Variants in GAB2 observed in about 807,000 individuals in gnomAD.
GAB2 encodes GRB2-associated-binding protein 2.
In GAB2, 26 loss-of-function variants were observed where a neutral mutation model predicts 65.5. That is an observed-to-expected ratio of 0.40 (90% CI 0.29 to 0.55). The LOEUF is 0.55. Among genes scored for constraint, GAB2 ranks in the 20% least tolerant of loss-of-function variants. The pLI, the probability that GAB2 is intolerant of heterozygous loss-of-function variation, is 0.53. For synonymous variants in GAB2, 321 were observed against 329.6 expected (o/e 0.97, Z 0.28); for missense variants, 884 against 875.8 (o/e 1.01, Z -0.12).
At chr11:78,353,547 C>T (rs757087364) in intron 1 of GAB2, among the ~76,000 whole-genome samples, 3 of 152,118 alleles carry the variant, frequency 2.0e-5, no homozygotes, top group Non-Finnish European at 2.9e-5. Flanking sequence ...TGCTTTGAGC[C>T]CAGCATTATT....
chr11:78,395,162 A>T (rs533569540), intron 1 of GAB2, among the ~76,000 whole-genome samples: 4 of 152,240 alleles, frequency 2.6e-5, no homozygotes, highest in African/African-American at 9.6e-5. Context: ...GGAGTAAAAA[A>T]AATCAACCAG....
chr11:78,244,346 C>T (rs371650297), intron 3 of GAB2, among the ~76,000 whole-genome samples: 3 of 151,622 alleles, frequency 2.0e-5, no homozygotes, highest in Non-Finnish European at 2.9e-5. Context: ...GAGCCAAGAT[C>T]GCACCATTGC....
At chr11:78,349,786 C>T (rs1273660564) in intron 1 of GAB2, among the ~76,000 whole-genome samples, 1 of 151,940 alleles carries the variant, frequency 6.6e-6, no homozygotes, top group Non-Finnish European at 1.5e-5. Flanking sequence ...GAGGAGAATC[C>T]TCTCACTTGG....
chr11:78,353,510 C>A (rs1019174025), intron 1 of GAB2, among the ~76,000 whole-genome samples: 1 of 152,082 alleles, frequency 6.6e-6, no homozygotes. Flanking sequence ...ACTAATGATA[C>A]GATTCATGAT....
chr11:78,402,055 T>C (rs1187890531), intron 1 of GAB2, among the ~76,000 whole-genome samples: 1 of 152,146 alleles, frequency 6.6e-6, no homozygotes, highest in African/African-American at 2.4e-5. Context: ...TTTTTGAAGA[T>C]CTTCCCCTCC....
rs180863343 is a variant in GAB2, at chr11:78,277,786, C to G, written c.376+2815G>C. On this transcript the variant is annotated intron_variant, in intron 2 of 9. Transcript: ENST00000361507. ...CATGCCAATATATAAAACTCCAGAT[C>G]AAAGGTCAAACAGTGCACTGAAATC... is the stretch of plus-strand genomic sequence containing the variant. Among the ~76,000 whole-genome samples, 611 of 152,314 alleles carry G rather than the reference C, an allele frequency of 4.0e-3. 11 individuals carry two copies. Among genetic ancestry groups the G allele is most frequent in the Non-Finnish European group, 7.3e-4 (50 of 68,034 alleles).
chr11:78,288,008 A>G (rs1866533628), intron 1 of GAB2, among the ~76,000 whole-genome samples: 1 of 151,210 alleles, frequency 6.6e-6, no homozygotes, highest in African/African-American at 2.4e-5. Flanking sequence ...TAAAGCAAAA[A>G]ACATATATAA....
intron 2 of GAB2, among the ~76,000 whole-genome samples, chr11:78,274,580 T>TAAA (rs1285412715): frequency 6.6e-6 from 1 of 152,222 alleles, no homozygotes; most frequent in East Asian, 1.9e-4. Context: ...AAGTTGAGAC[T>TAAA]TTATTAAGTG....
chr11:78,411,259 T>C (rs1398034702), intron 1 of GAB2, among the ~76,000 whole-genome samples: 4 of 152,158 alleles, frequency 2.6e-5, no homozygotes, highest in Non-Finnish European at 5.9e-5. Flanking sequence ...TTTAATATAG[T>C]AAAGCTGTAA....
At chr11:78,249,980 AGAT>A (rs920155381) in intron 3 of GAB2, among the ~76,000 whole-genome samples, 174 bp downstream of exon 3, 3 of 152,126 alleles carry the variant, frequency 2.0e-5, no homozygotes, top group African/African-American at 7.2e-5. Flanking sequence ...GTAGCAACAC[AGAT>A]GATGCCAATA....
chr11:78,264,940 C>A (rs1384870489), intron 2 of GAB2, among the ~76,000 whole-genome samples: 1 of 152,114 alleles, frequency 6.6e-6, no homozygotes, highest in African/African-American at 2.4e-5. Flanking sequence ...AAGGCAGCAA[C>A]AAGTTATTAG....
intron 1 of GAB2, among the ~76,000 whole-genome samples, chr11:78,417,024 G>A (rs1167578952): frequency 1.3e-5 from 2 of 152,216 alleles, no homozygotes; most frequent in Non-Finnish European, 2.9e-5. Flanking sequence ...CCGGGGTCGG[G>A]GGGAGGCGCC....
chr11:78,355,285 C>T (rs1264878016), intron 1 of GAB2, among the ~76,000 whole-genome samples: 1 of 152,194 alleles, frequency 6.6e-6, no homozygotes, highest in African/African-American at 2.4e-5. Flanking sequence ...CCCAAAACGT[C>T]CCTGTGGGCA....
Position 78,226,994 on chromosome 11 carries a change from A to C in GAB2, c.678T>G (p.Ala226=). ...CATTGCCCTGGGCAAGTTTTTGTACAGCTGTGTCACTCCTCATGAGAAAAG... is the reference window on the plus strand; with the variant it reads ...CATTGCCCTGGGCAAGTTTTTGTACCGCTGTGTCACTCCTCATGAGAAAAG... ...RASFLMRSDT[A]VQKLAQGNGH... is the part of the protein sequence containing the mutation. The change falls in exon 4 of 10, where the codon GCT becomes GCG. Residue 226 remains alanine, a synonymous_variant. Transcript: ENST00000361507. 1 of 1,613,782 alleles carries C rather than the reference A, an allele frequency of 6.2e-7. No homozygotes were observed. The highest frequency in any genetic ancestry group is 8.5e-7 in the Non-Finnish European group (1 of 1,179,886).
chr11:78,224,986 T>C, intron 5 of GAB2, 122 bp downstream of exon 5: 4 of 658,738 alleles, frequency 6.1e-6, no homozygotes, highest in Non-Finnish European at 1.1e-5. Flanking sequence ...AGACAAGAAC[T>C]TGGGCAGGGT....
At position 78,309,556 on chromosome 11, in the gene GAB2, A is replaced by G. The variant is rs527510890; in HGVS notation, c.76-28655T>C. On this transcript the variant is annotated intron_variant, in intron 1 of 9. Transcript: ENST00000361507. ...ATGATCACAGCTCACTGCAACCTCA[A>G]CCTCCCCAGGGTTGAGGGGATCCTC... Among the ~76,000 whole-genome samples the G allele has an allele frequency of 2.6e-3, 394 of 149,842 alleles. 7 individuals carry two copies. The highest frequency in any genetic ancestry group is 0.021 in the Middle Eastern group (6 of 292).
intron 1 of GAB2, among the ~76,000 whole-genome samples, chr11:78,413,452 G>A (rs546602093): frequency 6.6e-6 from 1 of 152,304 alleles, no homozygotes; most frequent in African/African-American, 2.4e-5. Context: ...TGACCAAGCA[G>A]TGAAGAGATT....
At chr11:78,309,867 G>A (rs10793301) in intron 1 of GAB2, among the ~76,000 whole-genome samples, 1 of 151,448 alleles carries the variant, frequency 6.6e-6, no homozygotes, top group South Asian at 2.1e-4. Context: ...AGAGAGAGGT[G>A]TCTGGTTATA....
chr11:78,409,788 G>A (rs1209333251), intron 1 of GAB2, among the ~76,000 whole-genome samples: 1 of 152,008 alleles, frequency 6.6e-6, no homozygotes, highest in Non-Finnish European at 1.5e-5. Context: ...TGACATTTAT[G>A]GAATACTTTA....
Sources: gnomAD v4.1 joint callset for allele counts (sites outside exome capture counted in the v4.1 genomes callset) on GRCh38, gnomAD v4.1.1 for gene constraint, MANE v1.5 for transcripts, NCBI Gene and HGNC (gene_info 2026-07-23, HGNC 2026-07-21) for gene names.